HYDIN: variants seen among roughly 807,000 people sequenced by gnomAD.
HYDIN encodes the protein HYDIN axonemal central pair apparatus protein.
In HYDIN, 132 loss-of-function variants were observed where a neutral mutation model predicts 403.9. That is an observed-to-expected ratio of 0.33 (90% CI 0.28 to 0.38). The LOEUF is 0.38. HYDIN is among the 10% of genes least tolerant of loss of function. The pLI, the probability that HYDIN is intolerant of heterozygous loss-of-function variation, is 1.00. For synonymous variants in HYDIN, 1,202 were observed against 1,891.7 expected, an observed-to-expected ratio of 0.64 and a Z score of 9.46; for missense variants, 2,827 against 5,009.5, an observed-to-expected ratio of 0.56 and a Z score of 13.15.
At chr16:71,205,001 G>A (rs946798828) in intron 1 of HYDIN, among the ~76,000 whole-genome samples, 1 of 152,130 alleles carries the variant, frequency 6.6e-6, no homozygotes, top group African/African-American at 2.4e-5. Flanking sequence ...AACAATAAAA[G>A]AAATCAAGCA....
chr16:70,861,319 T>C (rs1373349299), intron 69 of HYDIN, among the ~76,000 whole-genome samples: 1 of 151,696 alleles, frequency 6.6e-6, no homozygotes, highest in Non-Finnish European at 1.5e-5. Flanking sequence ...TGAGGTGGCC[T>C]AGGTGTGGGA....
chr16:70,822,850 C>T (rs1473907666), intron 83 of HYDIN, among the ~76,000 whole-genome samples: 4 of 149,426 alleles, frequency 2.7e-5, no homozygotes, highest in Admixed American at 6.7e-5. Flanking sequence ...CTTTTAAAGA[C>T]CTAATGTTAT....
At chr16:71,114,101 C>T (rs2083928526) in intron 10 of HYDIN, 1 of 151,482 alleles carries the variant, frequency 6.6e-6, no homozygotes, top group African/African-American at 2.4e-5. Context: ...ACCAAGATAG[C>T]ATCTCCCAGG....
intron 45 of HYDIN, among the ~76,000 whole-genome samples, chr16:70,926,302 TC>T (rs1412180356): frequency 1.3e-5 from 2 of 152,016 alleles, no homozygotes; most frequent in African/African-American, 4.8e-5. Flanking sequence ...TGAGCTCATG[TC>T]CTTTGTAGGG....
chr16:70,942,520 T>C (rs2077711993), intron 42 of HYDIN, among the ~76,000 whole-genome samples: 1 of 152,238 alleles, frequency 6.6e-6, no homozygotes. Context: ...TTATTAGTCT[T>C]ACTGCCTTGG....
chr16:71,175,838 T>A, intron 4 of HYDIN, 97 bp from the exon 5 acceptor site: 2 of 1,234,008 alleles, frequency 1.6e-6, no homozygotes, highest in Non-Finnish European at 2.4e-6. Flanking sequence ...CGTGTGACCT[T>A]GGTCAGGTCT....
intron 23 of HYDIN, among the ~76,000 whole-genome samples, chr16:71,006,767 TC>T (rs1376235159): frequency 2.6e-5 from 4 of 151,930 alleles, no homozygotes; most frequent in African/African-American, 7.3e-5. Flanking sequence ...CTGGGACTGA[TC>T]ATCTAGCCCG....
chr16:71,029,058 G>T lies in HYDIN; in HGVS notation c.2769-1183C>A, dbSNP rs2080816077. Reference sequence around the variant, plus strand: ...AGAAATGGAAGCTCTGAAAACCTAAGGGAGTTGTCTAAAAATATGCAATTA... The same window carrying T: ...AGAAATGGAAGCTCTGAAAACCTAATGGAGTTGTCTAAAAATATGCAATTA... On this transcript the variant is annotated intron_variant, in intron 19 of 85. Transcript: ENST00000393567. Among the ~76,000 whole-genome samples, 3 of 151,710 alleles carry T rather than the reference G, an allele frequency of 2.0e-5. No individual in the cohort carries two copies. In the South Asian group the frequency reaches 6.3e-4, roughly 32 times the overall value.
At chr16:71,210,512 G>A (rs1297505612) in intron 1 of HYDIN, among the ~76,000 whole-genome samples, 1 of 152,092 alleles carries the variant, frequency 6.6e-6, no homozygotes, top group Non-Finnish European at 1.5e-5. Context: ...TGAGGGAGGA[G>A]GGTGGGAGGA....
chr16:70,892,474 C>A lies in HYDIN; in HGVS notation c.9304G>T (p.Val3102Phe). The change falls in exon 56 of 86, where the codon GTC becomes TTC. Residue 3102 changes from valine (V) to phenylalanine (F), a missense_variant. Transcript: ENST00000393567. ...STPNINSMIS[V>F]QPKKGSLTPT... ...GTCAGTGAACCCTTTTTGGGTTGGACTGAGATCATGGAATTTATATTAGGT... is the reference window on the plus strand; with the variant it reads ...GTCAGTGAACCCTTTTTGGGTTGGAATGAGATCATGGAATTTATATTAGGT... The A allele has an allele frequency of 6.3e-7, 1 of 1,597,700 alleles. No individual in the cohort carries two copies. Among genetic ancestry groups the A allele is most frequent in the African/African-American group, 1.4e-5 (1 of 73,700 alleles).
chr16:71,207,074 G>C (rs918638275), intron 1 of HYDIN, among the ~76,000 whole-genome samples: 1 of 152,002 alleles, frequency 6.6e-6, no homozygotes, highest in East Asian at 1.9e-4. Flanking sequence ...AAAATGCAGA[G>C]AACCTCCAAA....
chr16:71,033,733 C>T (rs964830), intron 18 of HYDIN, among the ~76,000 whole-genome samples: 2 of 152,108 alleles, frequency 1.3e-5, no homozygotes, highest in East Asian at 1.9e-4. Context: ...CCATGGCACA[C>T]GTTTACCTAT....
At chr16:71,161,992 T>C (rs2086019243) in intron 6 of HYDIN, among the ~76,000 whole-genome samples, 1 of 96,780 alleles carries the variant, frequency 1.0e-5, no homozygotes, top group Non-Finnish European at 1.9e-5. Flanking sequence ...CTGAGGGCCA[T>C]GAGCCAAGGA....
At chr16:70,947,202 G>C (rs1475143682) in intron 41 of HYDIN, among the ~76,000 whole-genome samples, 1 of 150,390 alleles carries the variant, frequency 6.6e-6, no homozygotes, top group Non-Finnish European at 1.5e-5. Context: ...TTATTATTTT[G>C]AGATACGTCC....
At chr16:70,853,829 C>A (rs2038829357) in intron 73 of HYDIN, among the ~76,000 whole-genome samples, 1 of 148,084 alleles carries the variant, frequency 6.8e-6, no homozygotes. Flanking sequence ...CAAGATGTCA[C>A]CCTTGGGAGA....
intron 11 of HYDIN, 71 bp downstream of exon 11, chr16:71,093,746 A>G (rs1444133797): frequency 3.9e-6 from 6 of 1,542,540 alleles, no homozygotes; most frequent in Non-Finnish European, 4.4e-6. Context: ...TCAAATAAAA[A>G]CATATAAGAT....
chr16:71,211,471 T>C lies in HYDIN; in HGVS notation c.-24+19091A>G, dbSNP rs192515646. Among the ~76,000 whole-genome samples the C allele has an allele frequency of 2.4e-3, 370 of 151,530 alleles. 2 individuals are homozygous for C. Among genetic ancestry groups the C allele is most frequent in the African/African-American group, 8.4e-3 (346 of 41,284 alleles). On this transcript the variant is annotated intron_variant, in intron 1 of 85. Transcript: ENST00000393567. ...CTGGCTAACAAGGTGAAACCCCGTC[T>C]CTACTAAAAATACAAAAAAAATTAG... is the stretch of plus-strand genomic sequence containing the variant.
At chr16:71,012,905 T>C (rs1400216617) in intron 23 of HYDIN, among the ~76,000 whole-genome samples, 1 of 148,996 alleles carries the variant, frequency 6.7e-6, no homozygotes, top group African/African-American at 2.5e-5. Context: ...CCTTTCTCTT[T>C]GGCGGGTGCC....
At chr16:70,944,713 G>C (rs538937359) in intron 41 of HYDIN, among the ~76,000 whole-genome samples, 11 of 152,128 alleles carry the variant, frequency 7.2e-5, no homozygotes, top group African/African-American at 2.7e-4. Flanking sequence ...TGGGAAGTTG[G>C]TGTGTTTCAG....
Sources: gnomAD v4.1 joint callset for allele counts (sites outside exome capture counted in the v4.1 genomes callset) on GRCh38, gnomAD v4.1.1 for gene constraint, MANE v1.5 for transcripts, NCBI Gene and HGNC (gene_info 2026-07-23, HGNC 2026-07-21) for gene names.